The following RAB44 variants were observed in gnomAD, a reference collection of about 807,000 sequenced individuals.
RAB44 encodes ras-related protein Rab-44.
A neutral mutation model predicts 93.3 loss-of-function variants in RAB44; 67 were observed. That is an observed-to-expected ratio of 0.72 (90% CI 0.59 to 0.88). The LOEUF (loss-of-function observed/expected upper bound fraction) is 0.88. Ranked by LOEUF, RAB44 falls within the 40% of genes least tolerant of loss-of-function variation. The pLI is 0.00. For missense variants in RAB44, 1,064 were observed against 1,261.7 expected, an observed-to-expected ratio of 0.84 and a Z score of 2.37; for synonymous variants, 427 against 520.3, an observed-to-expected ratio of 0.82 and a Z score of 2.44.
rs1323562129 is a variant in RAB44 at position 36,721,328 on chromosome 6, C to T, written c.1194C>T (p.Thr398=). 15 of 1,233,740 alleles carry T rather than the reference C, an allele frequency of 1.2e-5. No homozygotes were observed. In the South Asian group the frequency reaches 2.9e-4, roughly 24 times the overall value. 76.4% of individuals were successfully genotyped at this position (1,233,740 alleles called of 1,614,324 possible). Residue 398 remains threonine (T), a synonymous_variant, in exon 9 of 14, where the codon ACC becomes ACT. Coordinates refer to ENST00000612677, the MANE Select transcript of RAB44 (RefSeq NM_001257357.2). ...GCCCGCCCCCGACCCCAAGAGCCACCTCAGGCCCCCAGACACCCCGTGTGG... is the reference window on the plus strand; with the variant it reads ...GCCCGCCCCCGACCCCAAGAGCCACTTCAGGCCCCCAGACACCCCGTGTGG... The part of the protein sequence containing the change: ...CWSPPPTPRA[T]SGPQTPRVVR...
At chr6:36,722,760 G>A (rs1208840011) in intron 9 of RAB44, 27 bp downstream of exon 9, 1 of 1,549,840 alleles carries the variant, frequency 6.5e-7, no homozygotes, top group African/African-American at 1.4e-5. Context: ...GGGCGGCAGG[G>A]AGCAAGGAGA....
chr6:36,715,820 T>C (rs1276860806), intron 4 of RAB44, among the ~76,000 whole-genome samples, 167 bp downstream of exon 4: 1 of 152,250 alleles, frequency 6.6e-6, no homozygotes, highest in African/African-American at 2.4e-5. Context: ...GCTTGACTTC[T>C]GACCTCTGTT....
At chr6:36,715,386 T>A (rs1476847700) in intron 3 of RAB44, 93 bp from the exon 4 acceptor site, 1 of 1,150,524 alleles carries the variant, frequency 8.7e-7, no homozygotes, top group Non-Finnish European at 1.2e-6. Context: ...CAGGTAGAAT[T>A]ACTTCCCTGA....
At chr6:36,712,119 AT>A (rs1341996120) in intron 2 of RAB44, among the ~76,000 whole-genome samples, 1 of 152,044 alleles carries the variant, frequency 6.6e-6, no homozygotes, top group Non-Finnish European at 1.5e-5. Context: ...CTTGGCCAAC[AT>A]GGTGAAACCC....
chr6:36,705,572 G>A (rs1023958766), intron 2 of RAB44, among the ~76,000 whole-genome samples: 4 of 152,138 alleles, frequency 2.6e-5, no homozygotes, highest in Admixed American at 6.5e-5. Context: ...TAGTAGAGAC[G>A]GGGTTTCACC....
At chr6:36,706,162 C>T (rs987001651) in intron 2 of RAB44, among the ~76,000 whole-genome samples, 9 of 152,134 alleles carry the variant, frequency 5.9e-5, no homozygotes, top group Non-Finnish European at 1.2e-4. Flanking sequence ...AGGTTTCACA[C>T]CTGCTGAGAT....
chr6:36,708,309 A>G (rs1164281456), intron 2 of RAB44, among the ~76,000 whole-genome samples: 3 of 152,176 alleles, frequency 2.0e-5, no homozygotes, highest in Non-Finnish European at 4.4e-5. Flanking sequence ...AAATATTGAT[A>G]TTAATAGCAT....
At chr6:36,705,406 C>CCCTT (rs531621206) in intron 2 of RAB44, among the ~76,000 whole-genome samples, 8 of 139,220 alleles carry the variant, frequency 5.7e-5, no homozygotes, top group South Asian at 2.5e-4. Flanking sequence ...CTCCCTCCCT[C>CCCTT]CCTTCCTTCC....
chr6:36,725,728 C>G, intron 9 of RAB44, 134 bp from the exon 10 acceptor site: 1 of 660,510 alleles, frequency 1.5e-6, no homozygotes, highest in Non-Finnish European at 2.8e-6. Flanking sequence ...GATGCAGAGC[C>G]GAGGGGAAGC....
intron 8 of RAB44, 63 bp from the exon 9 acceptor site, chr6:36,721,087 TG>T (rs935713362): frequency 3.0e-5 from 37 of 1,226,854 alleles, no homozygotes; most frequent in Non-Finnish European, 3.7e-5. Context: ...GGGCTGCAGG[TG>T]GGATGGGTGT....
Position 36,731,433 on chromosome 6 carries a change from G to A in RAB44, c.2976-570G>A, listed in dbSNP as rs1007297662. On this transcript the variant is annotated intron_variant, in intron 13 of 13. Transcript: ENST00000612677. This position sits in a 1 kb window ranked among gnomAD's most constrained non-coding sequence, Gnocchi z 4.0. Reference sequence around the variant, plus strand: ...CCTGGGACCTAGGTGCTCCATAAATGAATAAAATGAGTAAGGCATGAGGGG... The same window carrying A: ...CCTGGGACCTAGGTGCTCCATAAATAAATAAAATGAGTAAGGCATGAGGGG... Among the ~76,000 whole-genome samples the A allele has an allele frequency of 1.2e-4, 18 of 152,326 alleles. No homozygotes were observed. The highest frequency in any genetic ancestry group is 3.4e-3 in the Middle Eastern group (1 of 294).
At position 36,704,310 on chromosome 6, in the gene RAB44, A is replaced by C. The variant is rs534462404; in HGVS notation, c.75A>C (p.Pro25=). The C allele has an allele frequency of 1.3e-6, 2 of 1,536,040 alleles. No homozygotes were observed. Among genetic ancestry groups the C allele is most frequent in the Non-Finnish European group, 1.7e-6 (2 of 1,146,908 alleles). The change falls in exon 2 of 14, where the codon CCA becomes CCC. Residue 25 remains proline, a synonymous_variant. Transcript: ENST00000612677. ...ACCGGCGGCGGCAGACAAGAGAGCC[A>C]GCTGATGGTGAAGGCGCTGCAGTGG... ...GSNRRRQTRE[P]ADGEGAAVAP...
chr6:36,710,873 C>T (rs1582619567), intron 2 of RAB44, among the ~76,000 whole-genome samples: 1 of 152,316 alleles, frequency 6.6e-6, no homozygotes, highest in East Asian at 1.9e-4. Context: ...ATCCACTTGC[C>T]TTGGTCTCCC....
chr6:36,715,563 G>A lies in RAB44; in HGVS notation c.404G>A (p.Ser135Asn), dbSNP rs1388432820. 12 of 1,536,090 alleles carry A rather than the reference G, an allele frequency of 7.8e-6. No individual in the cohort carries two copies. ...TCTAAGCGGGTATCTGCTACCACCA[G>A]CTTCCCAGCTCTGGAGGAGGCGGAT... ...LPSKRVSATTSFPALEEADAE... is the reference protein window; with the variant it reads ...LPSKRVSATTNFPALEEADAE... Residue 135 changes from serine to asparagine, a missense_variant, in exon 4 of 14, where the codon AGC becomes AAC. By Grantham distance (46) the Ser-to-Asn change is conservative. Coordinates refer to ENST00000612677, the MANE Select transcript of RAB44 (RefSeq NM_001257357.2).
In RAB44 at chr6:36,721,908, G is replaced by A. The variant is rs1763095609; in HGVS notation, c.1774G>A (p.Asp592Asn). 2.4e-6 allele frequency: 3 copies of A among 1,234,914 alleles called. No individual in the cohort carries two copies. The highest frequency in any genetic ancestry group is 3.0e-6 in the Non-Finnish European group (3 of 988,616). The allele number at this position is 1,234,914 out of a possible 1,614,324, so 76.5% of individuals were successfully genotyped here. The change falls in exon 9 of 14, where the codon GAC becomes AAC. Residue 592 changes from aspartate (D) to asparagine (N), a missense_variant. By Grantham distance (23) the Asp-to-Asn change is conservative (BLOSUM62 1). Transcript: ENST00000612677. ...PPRQRDALQQ[D>N]LHATGSEPRL... Reference sequence around the variant, plus strand: ...CAGGCAGAGAGATGCCCTCCAGCAGGACCTGCATGCCACTGGCTCTGAGCC... The same window carrying A: ...CAGGCAGAGAGATGCCCTCCAGCAGAACCTGCATGCCACTGGCTCTGAGCC...
intron 1 of RAB44, among the ~76,000 whole-genome samples, chr6:36,698,691 G>A (rs1762441844): frequency 6.6e-6 from 1 of 152,114 alleles, no homozygotes; most frequent in African/African-American, 2.4e-5. Flanking sequence ...AAGTGGTGGA[G>A]GAGAAGGGCG....
At chr6:36,708,384 T>C (rs1263507490) in intron 2 of RAB44, among the ~76,000 whole-genome samples, 1 of 152,180 alleles carries the variant, frequency 6.6e-6, no homozygotes, top group African/African-American at 2.4e-5. Flanking sequence ...GCTCTTCCCA[T>C]GATGATCTTG....
intron 1 of RAB44, among the ~76,000 whole-genome samples, chr6:36,699,540 C>A (rs1422871453): frequency 6.6e-6 from 1 of 152,180 alleles, no homozygotes; most frequent in Non-Finnish European, 1.5e-5. Context: ...CCTGTCAACG[C>A]CCACCCCGTT....
chr6:36,700,244 A>T (rs1011286073), intron 1 of RAB44, among the ~76,000 whole-genome samples: 1 of 152,208 alleles, frequency 6.6e-6, no homozygotes, highest in African/African-American at 2.4e-5. Flanking sequence ...AAACTCAGGC[A>T]CAGAGATGCT....
Sources: allele counts gnomAD v4.1 joint callset (sites outside exome capture counted in the v4.1 genomes callset), GRCh38; gene constraint gnomAD v4.1.1; non-coding constraint Gnocchi (gnomAD v3.1); transcripts MANE v1.5; gene names NCBI Gene and HGNC (gene_info 2026-07-23, HGNC 2026-07-21).